The following SLC36A2 variants were observed in gnomAD, a reference collection of about 807,000 sequenced individuals.
SLC36A2 encodes the protein proton-coupled amino acid transporter 2.
In SLC36A2, 39 loss-of-function variants were observed where a neutral mutation model predicts 42.7. That is an observed-to-expected ratio of 0.91 (90% CI 0.71 to 1.19). SLC36A2 has a LOEUF of 1.19. Among genes scored for constraint, SLC36A2 ranks in the 50% most tolerant of loss-of-function variants. The probability of loss-of-function intolerance (pLI) is 0.00; values close to 1 mark genes in which losing one functional copy is unlikely to be tolerated. For missense variants in SLC36A2, 590 were observed against 613.7 expected (o/e 0.96, Z 0.41); for synonymous variants, 237 against 240.8 (o/e 0.98, Z 0.15).
chr5:151,326,342 C>T (rs1373212303), intron 7 of SLC36A2, among the ~76,000 whole-genome samples: 2 of 151,962 alleles, frequency 1.3e-5, no homozygotes, highest in Non-Finnish European at 2.9e-5. Context: ...GTGAATTATA[C>T]CTGCCTTCCA....
intron 3 of SLC36A2, 127 bp from the exon 4 acceptor site, chr5:151,343,110 C>T: frequency 1.3e-6 from 1 of 788,524 alleles, no homozygotes; most frequent in Admixed American, 2.0e-5. Context: ...GGGGCAGAGA[C>T]CTCGGGCTTT....
Position 151,335,379 on chromosome 5 carries a change from T to G in SLC36A2, c.694A>C (p.Asn232His). The G allele has an allele frequency of 6.2e-7, 1 of 1,614,066 alleles. No individual in the cohort carries two copies. The highest frequency in any genetic ancestry group is 8.5e-7 in the Non-Finnish European group (1 of 1,179,998). ...RILTIFSMLA[N>H]ISMLVSLVII... Reference sequence around the variant, plus strand: ...ACCAAGCTGACCAGCATGCTGATGTTGGCCAGCATGGAGAAGATGGTCAAG... The same window carrying G: ...ACCAAGCTGACCAGCATGCTGATGTGGGCCAGCATGGAGAAGATGGTCAAG... Residue 232 changes from asparagine to histidine, a missense_variant, in exon 6 of 10, where the codon AAC becomes CAC. Physicochemically the swap from Asn to His is moderately conservative, Grantham distance 68. Transcript: ENST00000335244.
rs1473405068 is a variant in SLC36A2 at position 151,347,535 on chromosome 5, G to C, written c.-75C>G. 3.2e-6 allele frequency: 5 copies of C among 1,568,294 alleles called. No homozygotes were observed. Among genetic ancestry groups the C allele is most frequent in the Non-Finnish European group, 4.4e-6 (5 of 1,144,168 alleles). The stretch of plus-strand genomic sequence containing the variant: ...AAGGAGGGAAGCAGGAAGGTGTCTA[G>C]TGTAGATGTACACCCCAGCACAGTG... On this transcript the variant is annotated 5_prime_UTR_variant, in exon 1 of 10. Coordinates refer to ENST00000335244, the MANE Select transcript of SLC36A2 (RefSeq NM_181776.3).
chr5:151,321,253 C>T (rs1027771033), intron 9 of SLC36A2, among the ~76,000 whole-genome samples: 10 of 151,938 alleles, frequency 6.6e-5, no homozygotes, highest in Non-Finnish European at 1.2e-4. Context: ...CAGCCTCAGC[C>T]TCCTGGGCTC....
chr5:151,334,194 A>G (rs1327204316), intron 6 of SLC36A2, among the ~76,000 whole-genome samples: 1 of 152,240 alleles, frequency 6.6e-6, no homozygotes, highest in South Asian at 2.1e-4. Context: ...ATTCAATTTT[A>G]TAGAATTCAT....
In SLC36A2 at chr5:151,325,404, T is replaced by C. The variant is rs1476670078; in HGVS notation, c.892A>G (p.Ile298Val). Residue 298 changes from isoleucine (I) to valine (V), a missense_variant, in exon 8 of 10, where the codon ATC becomes GTC. By Grantham distance (29) the Ile-to-Val change is conservative. Coordinates refer to ENST00000335244, the MANE Select transcript of SLC36A2 (RefSeq NM_181776.3). ...ACGATGGACATTCCCAAAGACAGGATGGCTGGGAAGTGGCGGGCATTCTTC... is the reference window on the plus strand; with the variant it reads ...ACGATGGACATTCCCAAAGACAGGACGGCTGGGAAGTGGCGGGCATTCTTC... ...KMKNARHFPA[I>V]LSLGMSIVTS... 6.2e-7 allele frequency: 1 copy of C among 1,614,048 alleles called. No individual in the cohort carries two copies. The highest frequency in any genetic ancestry group is 1.3e-5 in the African/African-American group (1 of 74,920).
At chr5:151,341,115 G>GC (rs1756332337) in intron 4 of SLC36A2, among the ~76,000 whole-genome samples, 1 of 152,128 alleles carries the variant, frequency 6.6e-6, no homozygotes, top group Non-Finnish European at 1.5e-5. Context: ...CACATTAAAT[G>GC]CTGAGAGGAA....
intron 8 of SLC36A2, 184 bp downstream of exon 8, chr5:151,325,102 G>T: frequency 2.8e-6 from 2 of 715,088 alleles, no homozygotes; most frequent in Non-Finnish European, 4.9e-6. Flanking sequence ...AATTTGGGAG[G>T]CTGTTGTTGA....
In SLC36A2 at chr5:151,316,646, A is replaced by C; in HGVS notation, c.*171T>G. On this transcript the variant is annotated 3_prime_UTR_variant, in exon 10 of 10. Coordinates refer to ENST00000335244, the MANE Select transcript of SLC36A2 (RefSeq NM_181776.3). ...TCCCAACTACTCGGGAGGCTGAGGC[A>C]GGAGAATCGCTTGAACCCAGGAGGC... is the stretch of plus-strand genomic sequence containing the variant. 1.3e-6 allele frequency: 1 copy of C among 760,660 alleles called. No homozygotes were observed. The highest frequency in any genetic ancestry group is 1.9e-5 in the South Asian group (1 of 52,860). 47.1% of individuals were successfully genotyped at this position (760,660 alleles called of 1,614,324 possible).
intron 8 of SLC36A2, among the ~76,000 whole-genome samples, chr5:151,323,463 G>A (rs1755760019): frequency 6.6e-6 from 1 of 152,154 alleles, no homozygotes; most frequent in Non-Finnish European, 1.5e-5. Flanking sequence ...CCAGATCCTT[G>A]TAGACACAGC....
rs1433675886 is a variant in SLC36A2, at chr5:151,342,890, T to G, written c.438A>C (p.Gly146=). The change falls in exon 4 of 10, where the codon GGA becomes GGC. Residue 146 remains glycine, a splice_region_variant and synonymous_variant. Coordinates refer to ENST00000335244, the MANE Select transcript of SLC36A2 (RefSeq NM_181776.3). ...CAGGCAAAGCAAGAACAGGTTACCTTCCCCAGTGAGCGTGATTCTGGAGCC... is the reference window on the plus strand; with the variant it reads ...CAGGCAAAGCAAGAACAGGTTACCTGCCCCAGTGAGCGTGATTCTGGAGCC... ...NAWLQNHAHW[G]RHIVSFFLII... 3 of 1,613,896 alleles carry G rather than the reference T, an allele frequency of 1.9e-6. No individual in the cohort carries two copies. In the South Asian group the frequency reaches 3.3e-5, roughly 18 times the overall value.
intron 4 of SLC36A2, 97 bp downstream of exon 4, chr5:151,342,791 C>A: frequency 9.8e-7 from 1 of 1,024,426 alleles, no homozygotes. Flanking sequence ...CATAGAAGTG[C>A]CAAACAAACC....
Position 151,315,298 on chromosome 5 carries a change from C to T in SLC36A2, c.*1519G>A, listed in dbSNP as rs544103074. ...TGACTGCATCACATTTACTAATGTC[C>T]CATTGGCCAAAGCAAGTTACAAGGC... On this transcript the variant is annotated 3_prime_UTR_variant, in exon 10 of 10. Coordinates refer to ENST00000335244, the MANE Select transcript of SLC36A2 (RefSeq NM_181776.3). 3 of 152,696 alleles carry T rather than the reference C, an allele frequency of 2.0e-5. No homozygotes were observed. The highest frequency in any genetic ancestry group is 3.9e-4 in the East Asian group (2 of 5,184). 9.5% of individuals were successfully genotyped at this position (152,696 alleles called of 1,614,324 possible).
rs1432330947 is a variant in SLC36A2, at chr5:151,322,232, A to G, written c.1011-17T>C. On this transcript the variant is annotated splice_polypyrimidine_tract_variant and intron_variant, in intron 8 of 9. Transcript: ENST00000335244. Reference sequence around the variant, plus strand: ...TGGTACAGCCTGCAAGACAAACCACAGAGCTGCTCTCCACGGCCACTGTGT... The same window carrying G: ...TGGTACAGCCTGCAAGACAAACCACGGAGCTGCTCTCCACGGCCACTGTGT... 1.2e-6 allele frequency: 2 copies of G among 1,613,672 alleles called. No individual in the cohort carries two copies. Among genetic ancestry groups the G allele is most frequent in the Non-Finnish European group, 8.5e-7 (1 of 1,179,782 alleles).
intron 7 of SLC36A2, among the ~76,000 whole-genome samples, chr5:151,326,540 A>G (rs1755855500): frequency 6.6e-6 from 1 of 152,152 alleles, no homozygotes; most frequent in South Asian, 2.1e-4. Flanking sequence ...CTGTTCTCAG[A>G]ATCCTTCTTC....
intron 7 of SLC36A2, among the ~76,000 whole-genome samples, chr5:151,328,780 AG>A (rs1229736518): frequency 6.6e-6 from 1 of 152,228 alleles, no homozygotes; most frequent in African/African-American, 2.4e-5. Flanking sequence ...CCTTGGTGAA[AG>A]ATGGTTCCAG....
intron 2 of SLC36A2, 152 bp from the exon 3 acceptor site, chr5:151,343,750 C>A: frequency 1.5e-6 from 1 of 661,780 alleles, no homozygotes. Context: ...GCAGCAACAG[C>A]TATTCTTTCA....
chr5:151,317,056 G>C lies in SLC36A2; in HGVS notation c.1213C>G (p.Leu405Val), dbSNP rs758367397. The change falls in exon 10 of 10, where the codon CTG becomes GTG. Residue 405 changes from leucine (L) to valine (V), a missense_variant. By Grantham distance (32) the Leu-to-Val change is conservative. Transcript: ENST00000335244. Reference protein sequence around the residue: ...LLAILIPRLDLVISLVGSVSG... With the variant: ...LLAILIPRLDVVISLVGSVSG... ...ACGGAGCCCACCAGGGAGATGACCAGGTCCAGGCGGGGGATGAGGATGGCC... is the reference window on the plus strand; with the variant it reads ...ACGGAGCCCACCAGGGAGATGACCACGTCCAGGCGGGGGATGAGGATGGCC... The C allele has an allele frequency of 9.9e-6, 16 of 1,614,016 alleles. No individual in the cohort carries two copies. The South Asian group carries it at 1.1e-4, about 11-fold the overall frequency.
At chr5:151,338,958 T>C in intron 5 of SLC36A2, 102 bp downstream of exon 5, 1 of 855,138 alleles carries the variant, frequency 1.2e-6, no homozygotes, top group Non-Finnish European at 2.0e-6. Flanking sequence ...CTTCCTTTGT[T>C]ACATTGATGA....
Sources: gnomAD v4.1 joint callset for allele counts (sites outside exome capture counted in the v4.1 genomes callset) on GRCh38, gnomAD v4.1.1 for gene constraint, MANE v1.5 for transcripts, NCBI Gene and HGNC (gene_info 2026-07-23, HGNC 2026-07-21) for gene names.